The following BLNK variants were observed in gnomAD, a reference collection of about 807,000 sequenced individuals.
BLNK encodes the protein B-cell linker protein.
BLNK carries 29 observed loss-of-function variants against 73.5 expected under a neutral mutation model. That is an observed-to-expected ratio of 0.39 (90% CI 0.29 to 0.54). The LOEUF (loss-of-function observed/expected upper bound fraction) is 0.54. Ranked by LOEUF, BLNK falls within the 20% of genes least tolerant of loss-of-function variation. The pLI, the probability that BLNK is intolerant of heterozygous loss-of-function variation, is 0.61. For missense variants in BLNK, 460 were observed against 562.8 expected (o/e 0.82, Z 1.85); for synonymous variants, 176 against 200.8 (o/e 0.88, Z 1.04).
intron 6 of BLNK, among the ~76,000 whole-genome samples, chr10:96,219,447 C>T (rs2084144353): frequency 6.6e-6 from 1 of 152,190 alleles, no homozygotes; most frequent in African/African-American, 2.4e-5. Context: ...GCATGCCACC[C>T]TCTTAAACCC....
intron 1 of BLNK, among the ~76,000 whole-genome samples, chr10:96,253,257 C>T (rs7905645): frequency 0.21 from 31,500 of 152,130 alleles, 4,693 homozygotes; most frequent in East Asian, 0.56. Context: ...CTTTCCTCTG[C>T]TATCTGAGGG....
chr10:96,199,432 G>A, intron 15 of BLNK: 1 of 433,422 alleles, frequency 2.3e-6, no homozygotes, highest in Non-Finnish European at 4.6e-6. Context: ...GCCTGTCACT[G>A]TTCACTCCTC....
At chr10:96,196,563 T>C (rs184380422) in intron 16 of BLNK, among the ~76,000 whole-genome samples, 1 of 152,332 alleles carries the variant, frequency 6.6e-6, no homozygotes, top group African/African-American at 2.4e-5. Context: ...GTCTTGACTT[T>C]GGAGGTCTGG....
intron 16 of BLNK, among the ~76,000 whole-genome samples, chr10:96,192,412 G>A (rs782807268): frequency 2.6e-5 from 4 of 151,996 alleles, no homozygotes; most frequent in Admixed American, 6.6e-5. Context: ...ATCATACAAC[G>A]CATTTTTCTA....
chr10:96,209,044 C>T (rs962723991), intron 9 of BLNK, among the ~76,000 whole-genome samples: 1 of 152,258 alleles, frequency 6.6e-6, no homozygotes, highest in African/African-American at 2.4e-5. Context: ...TACGGGGTGA[C>T]GTTTGTAATA....
intron 13 of BLNK, among the ~76,000 whole-genome samples, chr10:96,202,180 T>C (rs376509293): frequency 2.0e-5 from 3 of 152,192 alleles, no homozygotes; most frequent in East Asian, 3.8e-4. Context: ...TGGTGGACCC[T>C]TAACATGACT....
At chr10:96,239,972 C>T (rs1402085523) in intron 3 of BLNK, among the ~76,000 whole-genome samples, 2 of 152,122 alleles carry the variant, frequency 1.3e-5, no homozygotes, top group African/African-American at 4.8e-5. Context: ...GCTGTTGGTT[C>T]ATCTAAAAGT....
intron 1 of BLNK, among the ~76,000 whole-genome samples, chr10:96,258,138 A>G (rs1490845137): frequency 3.9e-5 from 6 of 152,208 alleles, no homozygotes; most frequent in African/African-American, 7.2e-5. Flanking sequence ...TGGCCTTGCT[A>G]TGAAATAACA....
At chr10:96,216,942 C>CA (rs2084081608) in intron 6 of BLNK, among the ~76,000 whole-genome samples, 1 of 152,110 alleles carries the variant, frequency 6.6e-6, no homozygotes, top group African/African-American at 2.4e-5. Context: ...CATTTTTATG[C>CA]AAAAAGAAAC....
intron 3 of BLNK, among the ~76,000 whole-genome samples, chr10:96,236,783 A>G (rs587686589): frequency 1.2e-4 from 18 of 152,186 alleles, no homozygotes; most frequent in African/African-American, 3.9e-4. Flanking sequence ...CCATGATTGT[A>G]CCCCTGGACC....
Position 96,204,503 on chromosome 10 carries a change from A to G in BLNK, c.902+29T>C, listed in dbSNP as rs947156999. 6 of 1,606,508 alleles carry G rather than the reference A, an allele frequency of 3.7e-6. No homozygotes were observed. In the Admixed American group the frequency reaches 5.0e-5, roughly 13 times the overall value. Reference sequence around the variant, plus strand: ...GTTAATTCCTGCAGCAACAAGAGGAAACTGATCTTTAAAGGAAAGGATTCT... The same window carrying G: ...GTTAATTCCTGCAGCAACAAGAGGAGACTGATCTTTAAAGGAAAGGATTCT... On this transcript the variant is annotated intron_variant, in intron 12 of 16. Coordinates refer to ENST00000224337, the MANE Select transcript of BLNK (RefSeq NM_013314.4).
intron 1 of BLNK, among the ~76,000 whole-genome samples, chr10:96,260,708 T>A (rs797038711): frequency 7.2e-5 from 11 of 152,298 alleles, no homozygotes; most frequent in African/African-American, 2.6e-4. Context: ...CCAGTTAAAT[T>A]CTTCTTAGCT....
chr10:96,207,322 C>G (rs2083841701), intron 10 of BLNK, among the ~76,000 whole-genome samples: 1 of 152,090 alleles, frequency 6.6e-6, no homozygotes, highest in African/African-American at 2.4e-5. Context: ...AAATCATGAC[C>G]CCCCCAGCAG....
rs1408414746 is a variant in BLNK at position 96,189,340 on chromosome 10, C to T, written c.*2633G>A. ...ATGAAATAAGATGGAAAAATGTTAA[C>T]AAATTGTTTAAACTATTTTCTAAAG... On this transcript the variant is annotated 3_prime_UTR_variant, in exon 17 of 17. Coordinates refer to ENST00000224337, the MANE Select transcript of BLNK (RefSeq NM_013314.4). 8 of 546,198 alleles carry T rather than the reference C, an allele frequency of 1.5e-5. No individual in the cohort carries two copies. In the East Asian group the frequency reaches 2.6e-4, roughly 18 times the overall value. 33.8% of individuals were successfully genotyped at this position (546,198 alleles called of 1,614,324 possible).
chr10:96,214,709 T>A (rs1015968654), intron 8 of BLNK, among the ~76,000 whole-genome samples: 5 of 152,054 alleles, frequency 3.3e-5, no homozygotes, highest in Admixed American at 3.3e-4. Context: ...GCCAGGGAGT[T>A]ACCAGTGTAG....
chr10:96,261,464 A>G (rs1206316258), intron 1 of BLNK, among the ~76,000 whole-genome samples: 2 of 150,040 alleles, frequency 1.3e-5, no homozygotes, highest in South Asian at 2.1e-4. Flanking sequence ...ATTTTCATGA[A>G]TAGCTTTTGT....
At chr10:96,249,955 G>A (rs2134101713) in intron 1 of BLNK, among the ~76,000 whole-genome samples, 1 of 152,270 alleles carries the variant, frequency 6.6e-6, no homozygotes, top group East Asian at 1.9e-4. Context: ...AACTTCTTTT[G>A]GGACAGCCGT....
intron 7 of BLNK, 95 bp downstream of exon 7, chr10:96,216,558 C>T: frequency 1.8e-6 from 2 of 1,103,276 alleles, no homozygotes; most frequent in Non-Finnish European, 2.8e-6. Flanking sequence ...TGGGCACTGT[C>T]ATTTCTGAGC....
chr10:96,244,318 A>G (rs1326053622), intron 2 of BLNK, among the ~76,000 whole-genome samples: 1 of 152,154 alleles, frequency 6.6e-6, no homozygotes, highest in Non-Finnish European at 1.5e-5. Context: ...AAAAGCACAA[A>G]CCACCTGTTA....
Sources: gnomAD v4.1 joint callset for allele counts (sites outside exome capture counted in the v4.1 genomes callset) on GRCh38, gnomAD v4.1.1 for gene constraint, MANE v1.5 for transcripts, NCBI Gene and HGNC (gene_info 2026-07-23, HGNC 2026-07-21) for gene names.